Variants in DPP10 observed in about 807,000 individuals in gnomAD.
DPP10 encodes inactive dipeptidyl peptidase 10.
DPP10 carries 33 observed loss-of-function variants against 120.9 expected under a neutral mutation model. The observed-to-expected ratio is 0.27, with a 90% CI of 0.21 to 0.37. DPP10 has a LOEUF of 0.37. DPP10 is among the 10% of genes least tolerant of loss of function. The pLI is 1.00. For synonymous variants in DPP10, 337 were observed against 326.1 expected, an observed-to-expected ratio of 1.03 and a Z score of -0.36; for missense variants, 816 against 942.8, an observed-to-expected ratio of 0.87 and a Z score of 1.76.
At chr2:115,710,846 T>C (rs1005614612) in intron 7 of DPP10, among the ~76,000 whole-genome samples, 1 of 152,132 alleles carries the variant, frequency 6.6e-6, no homozygotes, top group Non-Finnish European at 1.5e-5. Context: ...CTGTGTTTTG[T>C]TGGTAGCCTG....
At chr2:114,962,406 G>T (rs554888698) in intron 1 of DPP10, among the ~76,000 whole-genome samples, 2 of 152,242 alleles carry the variant, frequency 1.3e-5, no homozygotes, top group Middle Eastern at 6.8e-3. Context: ...TCTCTCATGG[G>T]CATCGGGCAA....
intron 1 of DPP10, among the ~76,000 whole-genome samples, chr2:114,979,409 A>T (rs997926290): frequency 6.6e-6 from 1 of 151,968 alleles, no homozygotes; most frequent in Non-Finnish European, 1.5e-5. Flanking sequence ...CAAATATGTA[A>T]TAAAAATCAT....
At chr2:115,475,358 T>C (rs2075007805) in intron 3 of DPP10, among the ~76,000 whole-genome samples, 1 of 152,166 alleles carries the variant, frequency 6.6e-6, no homozygotes, top group Non-Finnish European at 1.5e-5. Flanking sequence ...GGCTTCCAAG[T>C]GGTGTTAAGC....
intron 1 of DPP10, among the ~76,000 whole-genome samples, chr2:114,926,026 T>C (rs954837330): frequency 2.6e-5 from 4 of 152,136 alleles, no homozygotes; most frequent in African/African-American, 4.8e-5. Context: ...GGCATTGAAA[T>C]AGACAATTGC....
chr2:114,645,946 G>A (rs1696087672), intron 1 of DPP10, among the ~76,000 whole-genome samples: 2 of 152,060 alleles, frequency 1.3e-5, no homozygotes, highest in African/African-American at 4.8e-5. Context: ...CGGATCATGA[G>A]GTCAGGAGTT....
chr2:114,820,779 CAT>C (rs1462521808), intron 1 of DPP10, among the ~76,000 whole-genome samples: 1 of 152,148 alleles, frequency 6.6e-6, no homozygotes, highest in Non-Finnish European at 1.5e-5. Flanking sequence ...TTCGACAAAA[CAT>C]GGGGATTATG....
intron 1 of DPP10, among the ~76,000 whole-genome samples, chr2:114,503,152 A>AT (rs1476549074): frequency 2.6e-5 from 4 of 152,342 alleles, no homozygotes; most frequent in African/African-American, 9.6e-5. Flanking sequence ...CACCAATAGC[A>AT]TGGGGCTTCA....
chr2:115,788,903 G>A (rs577959273), intron 17 of DPP10, among the ~76,000 whole-genome samples: 34 of 152,234 alleles, frequency 2.2e-4, no homozygotes, highest in Admixed American at 1.6e-3. Context: ...GAGATCGTGA[G>A]GTCAGGAGAT....
intron 1 of DPP10, among the ~76,000 whole-genome samples, chr2:114,646,609 A>G (rs904384654): frequency 5.3e-5 from 8 of 152,150 alleles, no homozygotes; most frequent in Middle Eastern, 3.2e-3. Context: ...GTTTCCTTTC[A>G]AAAGGGACAA....
intron 1 of DPP10, among the ~76,000 whole-genome samples, chr2:114,548,991 G>A (rs1021065468): frequency 6.6e-5 from 10 of 152,168 alleles, no homozygotes; most frequent in African/African-American, 1.9e-4. Flanking sequence ...GGAATCACAC[G>A]AGCACATAGA....
At chr2:115,779,198 T>A (rs1030262359) in intron 15 of DPP10, among the ~76,000 whole-genome samples, 1 of 152,134 alleles carries the variant, frequency 6.6e-6, no homozygotes. Context: ...ACTTCTTAGA[T>A]TTGTGTGCTT....
Position 115,402,854 on chromosome 2 carries a change from A to AAT in DPP10, c.271+58963_271+58964dup, listed in dbSNP as rs757052503. ...AGGACACTACAAGGAAAAAAAAAAA[A>AAT]ATATATATATATATATATATATGTG... On this transcript the variant is annotated intron_variant, in intron 3 of 25. Coordinates refer to ENST00000410059, the MANE Select transcript of DPP10 (RefSeq NM_020868.6). Among the ~76,000 whole-genome samples the AAT allele has an allele frequency of 3.0e-3, 294 of 97,616 alleles. 2 individuals carry two copies. The highest frequency in any genetic ancestry group is 0.013 in the South Asian group (37 of 2,872). 64.0% of individuals were successfully genotyped at this position (97,616 alleles called of 152,430 possible). A position where few individuals can be genotyped will look rare whatever the true frequency, so the allele number is the denominator to read the frequency against.
At chr2:115,507,657 G>A (rs1240144180) in intron 4 of DPP10, among the ~76,000 whole-genome samples, 1 of 152,116 alleles carries the variant, frequency 6.6e-6, no homozygotes, top group African/African-American at 2.4e-5. Context: ...GATAACTAGG[G>A]GAAAGATTTA....
At chr2:114,997,532 A>T (rs1298279625) in intron 1 of DPP10, among the ~76,000 whole-genome samples, 1 of 152,018 alleles carries the variant, frequency 6.6e-6, no homozygotes, top group African/African-American at 2.4e-5. Flanking sequence ...CATACATGGA[A>T]TGCCTTTCAA....
intron 1 of DPP10, among the ~76,000 whole-genome samples, chr2:114,504,787 C>G (rs1002643327): frequency 6.6e-6 from 1 of 152,124 alleles, no homozygotes; most frequent in Admixed American, 6.5e-5. Flanking sequence ...GGCGTGGTGG[C>G]TCATGCCTGT....
rs932014888 is a variant in DPP10, at chr2:115,672,016, A to G, written c.442-17671A>G. Reference sequence around the variant, plus strand: ...TCAAAACCACTTATAAGGCAAAAGAACTGGTAGATGAGATTGTCTACCATC... The same window carrying G: ...TCAAAACCACTTATAAGGCAAAAGAGCTGGTAGATGAGATTGTCTACCATC... On this transcript the variant is annotated intron_variant, in intron 5 of 25. Transcript: ENST00000410059. 4.6e-5 allele frequency among the ~76,000 whole-genome samples: 7 copies of G among 152,338 alleles called. No homozygotes were observed. The East Asian group carries it at 7.7e-4, about 17-fold the overall frequency.
At chr2:114,523,036 T>A (rs1685204311) in intron 1 of DPP10, among the ~76,000 whole-genome samples, 1 of 152,170 alleles carries the variant, frequency 6.6e-6, no homozygotes, top group African/African-American at 2.4e-5. Context: ...TGTCTTAGGT[T>A]AGGTTCTCTC....
intron 1 of DPP10, among the ~76,000 whole-genome samples, chr2:114,569,928 T>C (rs1689495771): frequency 6.6e-6 from 1 of 152,218 alleles, no homozygotes; most frequent in Admixed American, 6.5e-5. Context: ...CAATGTATCA[T>C]TTATTTATCT....
intron 1 of DPP10, among the ~76,000 whole-genome samples, chr2:114,637,962 A>C (rs1382914909): frequency 2.6e-5 from 4 of 151,874 alleles, no homozygotes; most frequent in Non-Finnish European, 5.9e-5. Flanking sequence ...TACTTTGGCT[A>C]TTCAGGTTCC....
Sources: allele counts gnomAD v4.1 joint callset (sites outside exome capture counted in the v4.1 genomes callset), GRCh38; gene constraint gnomAD v4.1.1; transcripts MANE v1.5; gene names NCBI Gene and HGNC (gene_info 2026-07-23, HGNC 2026-07-21).